PSD3: variants seen among roughly 807,000 people sequenced by gnomAD.
PSD3 encodes the protein pleckstrin and Sec7 domain containing 3.
PSD3 carries 49 observed loss-of-function variants against 105.5 expected under a neutral mutation model. That is an observed-to-expected ratio of 0.46 (90% CI 0.37 to 0.59). The LOEUF (loss-of-function observed/expected upper bound fraction) is 0.59. Among genes scored for constraint, PSD3 ranks in the 20% least tolerant of loss-of-function variants. PSD3 has a pLI of 0.00. For synonymous variants in PSD3, 557 were observed against 457.8 expected, an observed-to-expected ratio of 1.22 and a Z score of -2.77; for missense variants, 1,561 against 1,263.8, an observed-to-expected ratio of 1.24 and a Z score of -3.57.
chr8:19,009,367 T>C (rs372198164), intron 1 of PSD3, among the ~76,000 whole-genome samples: 20 of 152,258 alleles, frequency 1.3e-4, no homozygotes, highest in African/African-American at 4.8e-4. Context: ...GTTAAGAAAA[T>C]TGGATGACCT....
At chr8:18,705,961 T>C (rs936926319) in intron 9 of PSD3, among the ~76,000 whole-genome samples, 1 of 152,202 alleles carries the variant, frequency 6.6e-6, no homozygotes, top group African/African-American at 2.4e-5. Flanking sequence ...AAGGAAAGCT[T>C]CCTACTCCAT....
intron 1 of PSD3, among the ~76,000 whole-genome samples, chr8:18,967,045 C>G (rs1489518015): frequency 2.6e-5 from 4 of 152,286 alleles, no homozygotes; most frequent in East Asian, 1.9e-4. Flanking sequence ...CCAAACCATT[C>G]CAGGCAGACA....
At chr8:18,897,185 T>C (rs143982952) in intron 2 of PSD3, among the ~76,000 whole-genome samples, 7,147 of 152,294 alleles carry the variant, frequency 0.047, 206 homozygotes, top group South Asian at 0.081. Context: ...TGCATTTCCC[T>C]GATGTTCAGT....
At chr8:18,550,881 T>C (rs1340146048) in intron 15 of PSD3, among the ~76,000 whole-genome samples, 1 of 152,220 alleles carries the variant, frequency 6.6e-6, no homozygotes, top group East Asian at 1.9e-4. Context: ...ACCTCTGTCA[T>C]GTCTTCTGTA....
intron 2 of PSD3, among the ~76,000 whole-genome samples, chr8:18,933,264 G>A (rs1821864087): frequency 6.6e-6 from 1 of 151,940 alleles, no homozygotes; most frequent in Non-Finnish European, 1.5e-5. Context: ...CTGATACAGG[G>A]AAAACTACTC....
At position 18,632,586 on chromosome 8, in the gene PSD3, T is replaced by C. The variant is rs758762158; in HGVS notation, c.2410+27A>G. 30 of 1,572,980 alleles carry C rather than the reference T, an allele frequency of 1.9e-5. No individual in the cohort carries two copies. In the South Asian group the frequency reaches 2.0e-4, roughly 11 times the overall value. On this transcript the variant is annotated intron_variant, in intron 11 of 15. Transcript: ENST00000327040. Reference sequence around the variant, plus strand: ...GAGCATAAAGATAAAATAAATGAAATAGAAAATGACAACGCATGATACTTA... The same window carrying C: ...GAGCATAAAGATAAAATAAATGAAACAGAAAATGACAACGCATGATACTTA...
intron 1 of PSD3, among the ~76,000 whole-genome samples, chr8:19,003,343 C>T (rs547710645): frequency 1.4e-4 from 21 of 151,762 alleles, no homozygotes; most frequent in Non-Finnish European, 2.7e-4. Context: ...GGAGTAGTCA[C>T]TACACTCCAG....
At chr8:18,989,838 A>C (rs13248600) in intron 1 of PSD3, among the ~76,000 whole-genome samples, 2 of 152,036 alleles carry the variant, frequency 1.3e-5, no homozygotes, top group Non-Finnish European at 2.9e-5. Flanking sequence ...GCTAGAATCA[A>C]TGGTGAAGAA....
intron 2 of PSD3, among the ~76,000 whole-genome samples, chr8:18,918,239 T>C (rs1820751696): frequency 1.3e-5 from 2 of 152,176 alleles, no homozygotes. Flanking sequence ...ACCACAGCTT[T>C]ATATGTGCTT....
At chr8:18,586,064 G>T (rs1186329297) in intron 12 of PSD3, among the ~76,000 whole-genome samples, 1 of 152,048 alleles carries the variant, frequency 6.6e-6, no homozygotes, top group South Asian at 2.1e-4. Context: ...TACCTAAGAG[G>T]CTGCCGACAC....
At chr8:18,690,244 G>C (rs751592804) in intron 9 of PSD3, among the ~76,000 whole-genome samples, 1 of 152,156 alleles carries the variant, frequency 6.6e-6, no homozygotes, top group Non-Finnish European at 1.5e-5. Flanking sequence ...GTATGTGACA[G>C]CTCCCTGTCC....
chr8:18,553,288 T>C (rs1029017035), intron 15 of PSD3, among the ~76,000 whole-genome samples: 3 of 152,202 alleles, frequency 2.0e-5, no homozygotes, highest in Non-Finnish European at 4.4e-5. Context: ...TGATCTTCCC[T>C]GGTGATTAAA....
At chr8:18,637,719 T>C (rs1807369411) in intron 10 of PSD3, among the ~76,000 whole-genome samples, 1 of 152,164 alleles carries the variant, frequency 6.6e-6, no homozygotes, top group Non-Finnish European at 1.5e-5. Context: ...TATATTTTAT[T>C]TTTACAATGA....
chr8:18,684,254 C>T (rs1014999414), intron 9 of PSD3: 1 of 186,136 alleles, frequency 5.4e-6, no homozygotes, highest in African/African-American at 2.6e-5. Flanking sequence ...ACACACACCC[C>T]ATCATATTCA....
At chr8:18,776,388 T>C (rs1440247064) in intron 8 of PSD3, among the ~76,000 whole-genome samples, 1 of 148,070 alleles carries the variant, frequency 6.8e-6, no homozygotes. Flanking sequence ...ATATAATTTT[T>C]TTTTTTTGTT....
intron 9 of PSD3, among the ~76,000 whole-genome samples, chr8:18,703,505 C>G (rs1396524600): frequency 6.6e-6 from 1 of 152,192 alleles, no homozygotes; most frequent in Non-Finnish European, 1.5e-5. Context: ...AAACCAAACT[C>G]ATAAGCACAC....
At chr8:18,944,287 C>T (rs1316162992) in intron 1 of PSD3, among the ~76,000 whole-genome samples, 2 of 152,120 alleles carry the variant, frequency 1.3e-5, no homozygotes, top group African/African-American at 4.8e-5. Context: ...AAGTTTAAGC[C>T]AGCCAGGCAT....
intron 2 of PSD3, among the ~76,000 whole-genome samples, chr8:18,899,357 C>A (rs1424637901): frequency 1.3e-5 from 2 of 152,104 alleles, no homozygotes; most frequent in Non-Finnish European, 2.9e-5. Flanking sequence ...AAGTCCTGCA[C>A]AACATCTGGA....
intron 8 of PSD3, among the ~76,000 whole-genome samples, chr8:18,772,540 C>T (rs965998529): frequency 7.9e-5 from 12 of 152,024 alleles, no homozygotes; most frequent in African/African-American, 2.9e-4. Flanking sequence ...TGGAGTTTTG[C>T]TCTCGTGGCC....
Sources: gnomAD v4.1 joint callset for allele counts (sites outside exome capture counted in the v4.1 genomes callset) on GRCh38, gnomAD v4.1.1 for gene constraint, MANE v1.5 for transcripts, NCBI Gene and HGNC (gene_info 2026-07-23, HGNC 2026-07-21) for gene names.